PARP16: variants seen among roughly 807,000 people sequenced by gnomAD.
The protein encoded by PARP16 is poly(ADP-ribose) polymerase family member 16.
Under a neutral mutation model 35.0 loss-of-function variants are expected in PARP16, and 31 were observed. The ratio of observed to expected loss-of-function variants is 0.88; its 90% CI spans 0.66 to 1.19. The LOEUF is 1.19. Among genes scored for constraint, PARP16 ranks in the 50% most tolerant of loss-of-function variants. The pLI is 0.00. For synonymous variants in PARP16, 162 were observed against 169.5 expected (o/e 0.96, Z 0.34); for missense variants, 424 against 411.2 (o/e 1.03, Z -0.27).
At chr15:65,274,298 T>C (rs981018910) in intron 1 of PARP16, among the ~76,000 whole-genome samples, 44 of 151,590 alleles carry the variant, frequency 2.9e-4, no homozygotes, top group Admixed American at 2.9e-3. Context: ...TGGTGACTTA[T>C]GCCTGTAATC....
intron 3 of PARP16, among the ~76,000 whole-genome samples, chr15:65,239,980 C>T (rs2089008143): frequency 5.0e-5 from 1 of 19,838 alleles, no homozygotes; most frequent in Non-Finnish European, 1.0e-4. Flanking sequence ...TTTTTAAATA[C>T]AGGGTCTCAC....
At chr15:65,242,270 A>T (rs2089099755) in intron 3 of PARP16, among the ~76,000 whole-genome samples, 1 of 152,176 alleles carries the variant, frequency 6.6e-6, no homozygotes, top group Non-Finnish European at 1.5e-5. Flanking sequence ...TGATTATTGT[A>T]GCTCTGTCTG....
intron 3 of PARP16, among the ~76,000 whole-genome samples, chr15:65,246,298 A>G (rs1475271498): frequency 6.6e-6 from 1 of 152,146 alleles, no homozygotes; most frequent in Non-Finnish European, 1.5e-5. Context: ...ACCCTGGCTG[A>G]GAGGCACTAT....
At chr15:65,257,342 G>A (rs1469267707), downstream of PARP16, among the ~76,000 whole-genome samples, 6 of 152,132 alleles carry the variant, frequency 3.9e-5, no homozygotes, top group Non-Finnish European at 7.4e-5. Context: ...GCTTGTACCC[G>A]GGAGGCAGAG....
In PARP16 at chr15:65,286,441, C is replaced by A; in HGVS notation, c.-15G>T. On this transcript the variant is annotated 5_prime_UTR_variant, in exon 1 of 6. Transcript: ENST00000649807. ...GAGGGCTGCATCCCAGGTCACTGCG[C>A]GTTGCCGGGGTAGACGCGCTGGTTA... is the stretch of plus-strand genomic sequence containing the variant. 6.8e-7 allele frequency: 1 copy of A among 1,467,552 alleles called. No homozygotes were observed. The highest frequency in any genetic ancestry group is 9.0e-7 in the Non-Finnish European group (1 of 1,112,412). The allele number at this position is 1,467,552 out of a possible 1,614,324, so 90.9% of individuals were successfully genotyped here.
chr15:65,262,333 C>T (rs115680407), intron 4 of PARP16, among the ~76,000 whole-genome samples: 589 of 152,134 alleles, frequency 3.9e-3, no homozygotes, highest in African/African-American at 0.013. Flanking sequence ...GGTTTCACCA[C>T]GTTGGCCAGG....
chr15:65,276,376 T>C (rs2090255490), intron 1 of PARP16, among the ~76,000 whole-genome samples: 1 of 152,146 alleles, frequency 6.6e-6, no homozygotes, highest in Non-Finnish European at 1.5e-5. Context: ...AGACCCATTT[T>C]GTTTTTTTTA....
chr15:65,252,789 T>G (rs1182416539), intron 2 of PARP16, among the ~76,000 whole-genome samples: 2 of 152,162 alleles, frequency 1.3e-5, no homozygotes, highest in East Asian at 3.8e-4. Context: ...TGAATAAGCT[T>G]CAAGTCAACA....
In PARP16 at chr15:65,286,524, C is replaced by T. The variant is rs1465387420; in HGVS notation, c.-98G>A. 3 of 956,050 alleles carry T rather than the reference C, an allele frequency of 3.1e-6. No homozygotes were observed. In the South Asian group the frequency reaches 5.8e-5, roughly 19 times the overall value. 59.2% of individuals were successfully genotyped at this position (956,050 alleles called of 1,614,324 possible). A position where few individuals can be genotyped will look rare whatever the true frequency, so the allele number is the denominator to read the frequency against. Reference sequence around the variant, plus strand: ...GCTGGGCCCGCGGACAATGGGCCGTCAGGGGCCGGGTTCCCAAGCCTGGGG... The same window carrying T: ...GCTGGGCCCGCGGACAATGGGCCGTTAGGGGCCGGGTTCCCAAGCCTGGGG... On this transcript the variant is annotated 5_prime_UTR_variant, in exon 1 of 6. Coordinates refer to ENST00000649807, the MANE Select transcript of PARP16 (RefSeq NM_001316943.2).
intron 3 of PARP16, among the ~76,000 whole-genome samples, chr15:65,239,321 A>G (rs1205966067): frequency 1.4e-5 from 2 of 146,950 alleles, no homozygotes; most frequent in African/African-American, 5.0e-5. Flanking sequence ...CAGCTACTCA[A>G]GAGGCTGAGG....
intron 1 of PARP16, among the ~76,000 whole-genome samples, chr15:65,272,514 C>T (rs552154587): frequency 1.6e-4 from 25 of 152,152 alleles, no homozygotes; most frequent in Admixed American, 6.5e-4. Context: ...CCATCCCCTC[C>T]CCATCACAGA....
chr15:65,249,559 C>T (rs775436057), intron 2 of PARP16, among the ~76,000 whole-genome samples: 2 of 152,198 alleles, frequency 1.3e-5, no homozygotes, highest in South Asian at 2.1e-4. Flanking sequence ...TGGAGGTGGA[C>T]GAAGGGCTGC....
At chr15:65,241,975 G>A (rs1442887957) in intron 3 of PARP16, among the ~76,000 whole-genome samples, 1 of 152,026 alleles carries the variant, frequency 6.6e-6, no homozygotes, top group East Asian at 1.9e-4. Context: ...TTTCCCCTAC[G>A]TCTTCTTCTA....
intron 3 of PARP16, among the ~76,000 whole-genome samples, chr15:65,243,488 T>C (rs560819497): frequency 1.3e-5 from 2 of 152,140 alleles, no homozygotes; most frequent in Non-Finnish European, 2.9e-5. Flanking sequence ...TGAGCTCAAG[T>C]GATCCACCCT....
chr15:65,230,965 T>C (rs776126067), downstream of PARP16, among the ~76,000 whole-genome samples: 12 of 145,124 alleles, frequency 8.3e-5, no homozygotes, highest in Non-Finnish European at 1.2e-4. Flanking sequence ...CTCAGCTCAC[T>C]GCAACCTCCG....
At chr15:65,277,120 T>C (rs2090283221) in intron 1 of PARP16, among the ~76,000 whole-genome samples, 1 of 152,134 alleles carries the variant, frequency 6.6e-6, no homozygotes, top group Non-Finnish European at 1.5e-5. Flanking sequence ...TGCTTAACAG[T>C]ACCTCCTGCC....
At chr15:65,241,536 AT>A (rs1232385267) in intron 3 of PARP16, among the ~76,000 whole-genome samples, 1 of 151,890 alleles carries the variant, frequency 6.6e-6, no homozygotes, top group Non-Finnish European at 1.5e-5. Flanking sequence ...CAGTCTTTTA[AT>A]TTTCGCTTTT....
At chr15:65,262,200 T>C (rs1440031181) in intron 4 of PARP16, among the ~76,000 whole-genome samples, 3 of 151,488 alleles carry the variant, frequency 2.0e-5, no homozygotes, top group Non-Finnish European at 4.4e-5. Flanking sequence ...TGGCATGATG[T>C]TGGATTACTG....
At position 65,250,918 on chromosome 15, in the gene PARP16, A is replaced by G. The variant is rs1159483132; in HGVS notation, c.203-2690T>C. On this transcript the variant is annotated intron_variant and NMD_transcript_variant, in intron 2 of 3. Transcript: ENST00000559805. ...AGTCTCACTCTGCTGCCCAGGCTGG[A>G]GTGCAGTGGTGCGATCTTGGCTCAC... Among the ~76,000 whole-genome samples the G allele has an allele frequency of 2.6e-5, 4 of 152,100 alleles. No homozygotes were observed. The East Asian group carries it at 7.7e-4, about 29-fold the overall frequency.
Sources: allele counts gnomAD v4.1 joint callset (sites outside exome capture counted in the v4.1 genomes callset), GRCh38; gene constraint gnomAD v4.1.1; transcripts MANE v1.5; gene names NCBI Gene and HGNC (gene_info 2026-07-23, HGNC 2026-07-21).